The following STPG2 variants were observed in gnomAD, a reference collection of about 807,000 sequenced individuals.
The protein encoded by STPG2 is sperm tail PG-rich repeat containing 2.
Under a neutral mutation model 54.2 loss-of-function variants are expected in STPG2, and 56 were observed. That is an observed-to-expected ratio of 1.03 (90% CI 0.83 to 1.29). STPG2 has a LOEUF of 1.29. Among genes scored for constraint, STPG2 ranks in the 50% most tolerant of loss-of-function variants. STPG2 has a pLI of 0.00. For synonymous variants in STPG2, 200 were observed against 181.8 expected (o/e 1.10, Z -0.81); for missense variants, 596 against 544.9 (o/e 1.09, Z -0.93).
At chr4:98,063,763 G>A (rs566774180) in intron 5 of STPG2, among the ~76,000 whole-genome samples, 1 of 152,112 alleles carries the variant, frequency 6.6e-6, no homozygotes, top group South Asian at 2.1e-4. Flanking sequence ...AAGAAGCCCA[G>A]GAACAGTGGT....
intron 2 of STPG2, among the ~76,000 whole-genome samples, 156 bp from the exon 3 acceptor site, chr4:98,128,748 G>T (rs1739902378): frequency 6.6e-6 from 1 of 151,524 alleles, no homozygotes; most frequent in Admixed American, 6.6e-5. Flanking sequence ...TGTTTTTTTT[G>T]AGATAGGGTC....
At chr4:97,633,691 G>C (rs967715794) in intron 10 of STPG2, 1 of 152,902 alleles carries the variant, frequency 6.5e-6, no homozygotes, top group East Asian at 1.9e-4. Context: ...GAAGCGCAAG[G>C]GGTCAGGGAG....
chr4:97,778,189 C>T (rs1006460557), intron 9 of STPG2, among the ~76,000 whole-genome samples: 3 of 152,114 alleles, frequency 2.0e-5, no homozygotes, highest in African/African-American at 7.2e-5. Context: ...ACAGACAGCA[C>T]CTGAAAAATC....
At chr4:97,963,081 C>A (rs1450721174) in intron 7 of STPG2, among the ~76,000 whole-genome samples, 2 of 152,110 alleles carry the variant, frequency 1.3e-5, no homozygotes, top group African/African-American at 4.8e-5. Flanking sequence ...AATGCTTGAA[C>A]CCGGGAGGCA....
intron 4 of STPG2, among the ~76,000 whole-genome samples, chr4:97,522,689 G>T (rs1047670442): frequency 6.6e-6 from 1 of 151,894 alleles, no homozygotes; most frequent in Non-Finnish European, 1.5e-5. Flanking sequence ...ACTGATTTAA[G>T]CAGACACACA....
Position 97,944,026 on chromosome 4 carries a change from A to G in STPG2, c.934-19T>C. Reference sequence around the variant, plus strand: ...AAAATTCCTGTTGAAAGAAGGGGTTAAAAAGAGTACATCATTTATTTTTAT... The same window carrying G: ...AAAATTCCTGTTGAAAGAAGGGGTTGAAAAGAGTACATCATTTATTTTTAT... On this transcript the variant is annotated intron_variant, in intron 7 of 10. Coordinates refer to ENST00000295268, the MANE Select transcript of STPG2 (RefSeq NM_174952.3). 2 of 1,502,586 alleles carry G rather than the reference A, an allele frequency of 1.3e-6. No homozygotes were observed. The highest frequency in any genetic ancestry group is 1.8e-6 in the Non-Finnish European group (2 of 1,082,226). 93.1% of individuals were successfully genotyped at this position (1,502,586 alleles called of 1,614,324 possible).
At chr4:97,558,116 C>T (rs1732123487), downstream of STPG2, among the ~76,000 whole-genome samples, 2 of 152,316 alleles carry the variant, frequency 1.3e-5, no homozygotes, top group South Asian at 4.1e-4. Context: ...TACTCTCATA[C>T]ATACCCTTAT....
chr4:97,484,794 G>A (rs1343933117), intron 4 of STPG2, among the ~76,000 whole-genome samples: 3 of 151,770 alleles, frequency 2.0e-5, no homozygotes, highest in African/African-American at 7.3e-5. Flanking sequence ...GATGAACATA[G>A]ATGCTAAAAT....
intron 10 of STPG2, among the ~76,000 whole-genome samples, chr4:97,571,582 T>C (rs1277297679): frequency 6.6e-6 from 1 of 152,172 alleles, no homozygotes; most frequent in Non-Finnish European, 1.5e-5. Context: ...CCCAGGTCTT[T>C]GGATAAACTC....
chr4:98,120,964 G>A (rs1207206540), intron 3 of STPG2, among the ~76,000 whole-genome samples: 1 of 152,172 alleles, frequency 6.6e-6, no homozygotes, highest in Non-Finnish European at 1.5e-5. Flanking sequence ...TTTCTGTCAT[G>A]AAATTTTTGC....
chr4:97,566,844 G>C (rs188705453), intron 10 of STPG2, among the ~76,000 whole-genome samples: 2,298 of 148,414 alleles, frequency 0.015, 52 homozygotes, highest in African/African-American at 0.055. Flanking sequence ...AGAACACATG[G>C]ACACAGGAAG....
chr4:97,794,424 ATTT>A (rs1371012373), intron 9 of STPG2, among the ~76,000 whole-genome samples: 1 of 152,130 alleles, frequency 6.6e-6, no homozygotes, highest in Admixed American at 6.6e-5. Context: ...ACTAAAATCA[ATTT>A]TTATCACTTG....
intron 10 of STPG2, among the ~76,000 whole-genome samples, chr4:97,701,945 T>C (rs1723792703): frequency 6.6e-6 from 1 of 152,142 alleles, no homozygotes; most frequent in African/African-American, 2.4e-5. Context: ...GTTCCCATTG[T>C]TAGATGTGAC....
chr4:97,599,693 G>A lies in STPG2; in HGVS notation c.1321-40576C>T, dbSNP rs181598763. Among the ~76,000 whole-genome samples, 539 of 151,798 alleles carry A rather than the reference G, an allele frequency of 3.6e-3. 3 individuals are homozygous for A. The highest frequency in any genetic ancestry group is 0.011 in the African/African-American group (472 of 41,378). On this transcript the variant is annotated intron_variant, in intron 10 of 10. Transcript: ENST00000295268. ...CAAAAAATTACCAGGGCGTGGTGGC[G>A]GGCACCCATAGTCCCAGCTACTCGG...
chr4:97,865,525 T>A (rs1039988687), intron 8 of STPG2, among the ~76,000 whole-genome samples: 1 of 152,140 alleles, frequency 6.6e-6, no homozygotes, highest in Non-Finnish European at 1.5e-5. Context: ...TGGAAGACAG[T>A]GTGGCAATTC....
chr4:97,546,677 T>A (rs1327552594), intron 4 of STPG2, among the ~76,000 whole-genome samples: 1 of 152,122 alleles, frequency 6.6e-6, no homozygotes, highest in Non-Finnish European at 1.5e-5. Flanking sequence ...AAAAACACTT[T>A]TAAAAATTCA....
chr4:97,496,855 T>C (rs1404318605), intron 4 of STPG2, among the ~76,000 whole-genome samples: 1 of 151,824 alleles, frequency 6.6e-6, no homozygotes, highest in Admixed American at 6.6e-5. Context: ...AAGTATTTCT[T>C]CAGGAGTTGT....
At chr4:97,730,604 C>T (rs1229730637) in intron 9 of STPG2, among the ~76,000 whole-genome samples, 1 of 152,104 alleles carries the variant, frequency 6.6e-6, no homozygotes, top group Non-Finnish European at 1.5e-5. Context: ...GGCCATATAT[C>T]CTTACATATG....
chr4:97,956,858 G>C (rs1485642626), intron 7 of STPG2, among the ~76,000 whole-genome samples: 1 of 152,070 alleles, frequency 6.6e-6, no homozygotes, highest in East Asian at 1.9e-4. Flanking sequence ...TCCTCTGACA[G>C]AGCCTACCCA....
Sources: gnomAD v4.1 joint callset for allele counts (sites outside exome capture counted in the v4.1 genomes callset) on GRCh38, gnomAD v4.1.1 for gene constraint, MANE v1.5 for transcripts, NCBI Gene and HGNC (gene_info 2026-07-23, HGNC 2026-07-21) for gene names.